Variants in COL8A1 observed in about 807,000 individuals in gnomAD.
COL8A1 encodes collagen type VIII alpha 1 chain.
COL8A1 carries 21 observed loss-of-function variants against 42.7 expected under a neutral mutation model. That is an observed-to-expected ratio of 0.49 (90% confidence interval 0.35 to 0.71). The LOEUF (loss-of-function observed/expected upper bound fraction) is 0.71. Among genes scored for constraint, COL8A1 ranks in the 30% least tolerant of loss-of-function variants. The pLI is 0.01. For synonymous variants in COL8A1, 367 were observed against 369.1 expected (o/e 0.99, Z 0.06); for missense variants, 788 against 962.4 (o/e 0.82, Z 2.40).
At chr3:99,775,591 G>C (rs549254424) in intron 2 of COL8A1, among the ~76,000 whole-genome samples, 2 of 152,310 alleles carry the variant, frequency 1.3e-5, no homozygotes, top group East Asian at 3.9e-4. Context: ...ATCGTGCCAT[G>C]ATGGCCAGCC....
rs561175878 is a variant in COL8A1, at chr3:99,642,416, CAA to C, written c.-129+3756_-129+3757del. 4.6e-3 allele frequency among the ~76,000 whole-genome samples: 699 copies of C among 152,122 alleles called. 5 individuals carry two copies. Among genetic ancestry groups the C allele is most frequent in the Non-Finnish European group, 8.5e-3 (578 of 67,972 alleles). On this transcript the variant is annotated intron_variant, in intron 1 of 3. Coordinates refer to ENST00000652472, the MANE Select transcript of COL8A1 (RefSeq NM_020351.4). Reference sequence around the variant, plus strand: ...TCAGATCAAACTGAAGTGAATAAAACAAAAAGTGTTCACCAAAACTGATCACA... The same window carrying C: ...TCAGATCAAACTGAAGTGAATAAAACAAAGTGTTCACCAAAACTGATCACA...
chr3:99,719,023 A>G (rs1351494934), intron 1 of COL8A1, among the ~76,000 whole-genome samples: 1 of 152,102 alleles, frequency 6.6e-6, no homozygotes, highest in Non-Finnish European at 1.5e-5. Context: ...TTCTGATTCT[A>G]TAACTCTGTG....
intron 1 of COL8A1, among the ~76,000 whole-genome samples, chr3:99,657,594 C>T (rs942736353): frequency 2.0e-5 from 3 of 152,170 alleles, no homozygotes; most frequent in Non-Finnish European, 2.9e-5. Flanking sequence ...TTTCTCCCCG[C>T]GAGGATGAAA....
rs951590532 is a variant in COL8A1, at chr3:99,652,483, G to A, written c.-129+13819G>A. Among the ~76,000 whole-genome samples the A allele has an allele frequency of 3.9e-5, 6 of 152,152 alleles. No homozygotes were observed. The East Asian group carries it at 1.2e-3, about 29-fold the overall frequency. Reference sequence around the variant, plus strand: ...TATATCATTAATATCGTGAGTGTTGGGGCTGGAATATAAATCTGGATCATC... The same window carrying A: ...TATATCATTAATATCGTGAGTGTTGAGGCTGGAATATAAATCTGGATCATC... On this transcript the variant is annotated intron_variant, in intron 1 of 3. Coordinates refer to ENST00000652472, the MANE Select transcript of COL8A1 (RefSeq NM_020351.4).
intron 1 of COL8A1, among the ~76,000 whole-genome samples, chr3:99,737,200 T>C (rs1940749830): frequency 6.6e-6 from 1 of 152,228 alleles, no homozygotes; most frequent in African/African-American, 2.4e-5. Context: ...TGCCAGTCTG[T>C]GTCTTTTAAT....
chr3:99,697,228 C>T (rs1379760544), intron 1 of COL8A1, among the ~76,000 whole-genome samples: 2 of 151,774 alleles, frequency 1.3e-5, no homozygotes, highest in East Asian at 3.9e-4. Context: ...CCTCGTGATC[C>T]GCCCGCCTCG....
In COL8A1 at chr3:99,720,093, T is replaced by C. The variant is rs1356694722; in HGVS notation, c.-128-24804T>C. 1.3e-5 allele frequency among the ~76,000 whole-genome samples: 2 copies of C among 152,122 alleles called. 1 individual carries two copies. The highest frequency in any genetic ancestry group is 1.3e-4 in the Admixed American group (2 of 15,250). ...CTAAGACCAAAACTATCCTGAACCT[T>C]ATGAACCCATACTCTGTGGGTAGGC... On this transcript the variant is annotated intron_variant, in intron 1 of 3. Transcript: ENST00000652472.
At chr3:99,682,253 A>G (rs563665658) in intron 1 of COL8A1, among the ~76,000 whole-genome samples, 6 of 152,156 alleles carry the variant, frequency 3.9e-5, no homozygotes, top group Non-Finnish European at 7.4e-5. Flanking sequence ...TGTCTCTACT[A>G]AAAAACAAAA....
chr3:99,696,761 T>C, intron 1 of COL8A1, among the ~76,000 whole-genome samples: 1 of 152,190 alleles, frequency 6.6e-6, no homozygotes, highest in East Asian at 1.9e-4. Flanking sequence ...AGATTCTGAC[T>C]ACCAGAGTTT....
intron 1 of COL8A1, among the ~76,000 whole-genome samples, chr3:99,669,882 C>A (rs1323685064): frequency 2.6e-5 from 4 of 152,000 alleles, no homozygotes; most frequent in Non-Finnish European, 5.9e-5. Flanking sequence ...GGAGAAACTG[C>A]TTTATAGATA....
At chr3:99,785,340 T>C (rs1202536459) in intron 2 of COL8A1, among the ~76,000 whole-genome samples, 1 of 152,214 alleles carries the variant, frequency 6.6e-6, no homozygotes, top group Non-Finnish European at 1.5e-5. Flanking sequence ...GATCCATCAG[T>C]AAATATTGAG....
Position 99,795,874 on chromosome 3 carries a change from C to G in COL8A1, c.1973C>G (p.Pro658Arg), listed in dbSNP as rs139277585. The G allele has an allele frequency of 2.4e-5, 38 of 1,614,206 alleles. No individual in the cohort carries two copies. In the Admixed American group the frequency reaches 5.0e-4, roughly 21 times the overall value. The change falls in exon 4 of 4, where the codon CCT becomes CGT. Residue 658 changes from proline to arginine, a missense_variant. Coordinates refer to ENST00000652472, the MANE Select transcript of COL8A1 (RefSeq NM_020351.4). ...PQTGIFTCEV[P>R]GVYYFAYHVH... The stretch of plus-strand genomic sequence containing the variant: ...ACAGGCATCTTCACCTGTGAGGTCC[C>G]TGGTGTCTACTACTTTGCATACCAC...
At chr3:99,739,917 A>G (rs1940850916) in intron 1 of COL8A1, among the ~76,000 whole-genome samples, 1 of 152,220 alleles carries the variant, frequency 6.6e-6, no homozygotes. Context: ...ATCAAGCTGC[A>G]AATTTTCCAA....
intron 2 of COL8A1, among the ~76,000 whole-genome samples, chr3:99,761,691 T>C (rs1215356935): frequency 1.3e-5 from 2 of 152,094 alleles, no homozygotes; most frequent in African/African-American, 2.4e-5. Context: ...AATGGAGTCC[T>C]TCCCTCTCTC....
At chr3:99,776,019 T>C (rs1010070486) in intron 2 of COL8A1, among the ~76,000 whole-genome samples, 2 of 152,182 alleles carry the variant, frequency 1.3e-5, no homozygotes, top group African/African-American at 2.4e-5. Flanking sequence ...AGCAGACCTA[T>C]GGAGGAGGTA....
intron 1 of COL8A1, among the ~76,000 whole-genome samples, chr3:99,674,807 G>T (rs950700988): frequency 6.6e-6 from 1 of 152,016 alleles, no homozygotes; most frequent in African/African-American, 2.4e-5. Flanking sequence ...GAATGCTACA[G>T]AGACTTATTT....
At chr3:99,661,170 G>A (rs1938191169) in intron 1 of COL8A1, among the ~76,000 whole-genome samples, 1 of 152,114 alleles carries the variant, frequency 6.6e-6, no homozygotes, top group Non-Finnish European at 1.5e-5. Flanking sequence ...CAAGACAGAT[G>A]ATAGAATTGG....
intron 1 of COL8A1, among the ~76,000 whole-genome samples, chr3:99,685,904 A>T (rs1378520756): frequency 3.3e-5 from 5 of 152,214 alleles, no homozygotes; most frequent in Non-Finnish European, 5.9e-5. Flanking sequence ...TTTTAACCAT[A>T]TGAGAGGTTT....
rs189748448 is a variant in COL8A1 at position 99,643,726 on chromosome 3, C to T, written c.-129+5062C>T. Among the ~76,000 whole-genome samples, 479 of 152,274 alleles carry T rather than the reference C, an allele frequency of 3.1e-3. 5 individuals are homozygous for T. Among genetic ancestry groups the T allele is most frequent in the African/African-American group, 0.011 (454 of 41,552 alleles). ...CTGCAATATTCTCACTAGTTCTTCC[C>T]ATATTTACTTGAGTTCTAGAAACTG... On this transcript the variant is annotated intron_variant, in intron 1 of 3. Transcript: ENST00000652472.
Sources: allele counts gnomAD v4.1 joint callset (sites outside exome capture counted in the v4.1 genomes callset), GRCh38; gene constraint gnomAD v4.1.1; transcripts MANE v1.5; gene names NCBI Gene and HGNC (gene_info 2026-07-23, HGNC 2026-07-21).